Variants in CACNA2D1 observed in about 807,000 individuals in gnomAD.
The protein encoded by CACNA2D1 is calcium voltage-gated channel auxiliary subunit alpha2delta 1, also known as voltage-dependent calcium channel subunit alpha-2/delta-1.
Under a neutral mutation model 171.5 loss-of-function variants are expected in CACNA2D1, and 53 were observed. The ratio of observed to expected loss-of-function variants is 0.31; its 90% CI spans 0.25 to 0.39. The LOEUF (loss-of-function observed/expected upper bound fraction) is 0.39, where lower values mean the gene tolerates loss of function less well. Ranked by LOEUF, CACNA2D1 falls within the 10% of genes least tolerant of loss-of-function variation. The pLI is 1.00. For synonymous variants in CACNA2D1, 442 were observed against 443.1 expected (o/e 1.00, Z 0.03); for missense variants, 903 against 1,299.8 (o/e 0.69, Z 4.69).
At chr7:82,422,621 C>A (rs941443478) in intron 1 of CACNA2D1, among the ~76,000 whole-genome samples, 2 of 152,078 alleles carry the variant, frequency 1.3e-5, no homozygotes, top group African/African-American at 4.8e-5. Flanking sequence ...TTCTAGGAAA[C>A]TAGTTTATCT....
chr7:82,181,332 C>T (rs1029101308), intron 3 of CACNA2D1, among the ~76,000 whole-genome samples: 1 of 152,148 alleles, frequency 6.6e-6, no homozygotes, highest in Non-Finnish European at 1.5e-5. Flanking sequence ...CTAGTGTCAT[C>T]TTTATTTTGT....
intron 3 of CACNA2D1, among the ~76,000 whole-genome samples, chr7:82,306,763 G>T (rs1813786977): frequency 6.6e-6 from 1 of 151,836 alleles, no homozygotes; most frequent in Non-Finnish European, 1.5e-5. Context: ...CCAAGTAAAA[G>T]GCTTATTAGC....
In CACNA2D1 at chr7:82,443,708, C is replaced by G; in HGVS notation, c.-249G>C. 1 of 1,236,234 alleles carries G rather than the reference C, an allele frequency of 8.1e-7. No individual in the cohort carries two copies. Among genetic ancestry groups the G allele is most frequent in the Non-Finnish European group, 1.0e-6 (1 of 992,188 alleles). The allele number at this position is 1,236,234 out of a possible 1,614,324, so 76.6% of individuals were successfully genotyped here. A position where few individuals can be genotyped will look rare whatever the true frequency, so the allele number is the denominator to read the frequency against. On this transcript the variant is annotated 5_prime_UTR_variant, in exon 1 of 39. Transcript: ENST00000356860. Reference sequence around the variant, plus strand: ...CTGCTCCGCGCCGCGGCCGCCTTGCCTCCGCCGCCATCAAGGGCGACTTTG... The same window carrying G: ...CTGCTCCGCGCCGCGGCCGCCTTGCGTCCGCCGCCATCAAGGGCGACTTTG...
intron 4 of CACNA2D1, among the ~76,000 whole-genome samples, chr7:82,164,438 C>G (rs1210977175): frequency 1.4e-5 from 2 of 138,294 alleles, no homozygotes; most frequent in Non-Finnish European, 3.3e-5. Context: ...GACAAAAAAT[C>G]TAACATTGGT....
intron 2 of CACNA2D1, among the ~76,000 whole-genome samples, chr7:82,347,837 A>G (rs978708796): frequency 1.4e-5 from 2 of 146,500 alleles, no homozygotes; most frequent in Admixed American, 6.6e-5. Flanking sequence ...TGTTATGTTA[A>G]TTCAGTCATT....
chr7:82,403,199 A>G (rs1826634956), intron 1 of CACNA2D1, among the ~76,000 whole-genome samples: 1 of 152,204 alleles, frequency 6.6e-6, no homozygotes, highest in African/African-American at 2.4e-5. Flanking sequence ...GAACTTCTTA[A>G]ATACATCTTG....
chr7:82,165,705 C>T (rs1199690375), intron 4 of CACNA2D1, among the ~76,000 whole-genome samples: 2 of 151,824 alleles, frequency 1.3e-5, no homozygotes, highest in Non-Finnish European at 2.9e-5. Flanking sequence ...TTTAATCTAT[C>T]TTTATGATGA....
intron 5 of CACNA2D1, among the ~76,000 whole-genome samples, chr7:82,131,928 T>C (rs2129070988): frequency 6.6e-6 from 1 of 152,244 alleles, no homozygotes; most frequent in African/African-American, 2.4e-5. Context: ...ACTGCAAAAC[T>C]TTTGGTGAGG....
chr7:82,366,288 T>C (rs1357195484), intron 1 of CACNA2D1, among the ~76,000 whole-genome samples: 2 of 152,182 alleles, frequency 1.3e-5, no homozygotes, highest in Non-Finnish European at 2.9e-5. Flanking sequence ...TATTGTGTAA[T>C]GCTGAATTCA....
chr7:81,968,287 T>G (rs763418104), intron 29 of CACNA2D1, among the ~76,000 whole-genome samples: 5 of 151,396 alleles, frequency 3.3e-5, no homozygotes, highest in Non-Finnish European at 7.4e-5. Flanking sequence ...CTAATAGCTT[T>G]TACTTTATTG....
At chr7:82,332,569 C>CGAAAGAAAGAAAGAAAGAAAGAGAAA in intron 3 of CACNA2D1, among the ~76,000 whole-genome samples, 1 of 119,942 alleles carries the variant, frequency 8.3e-6, no homozygotes, top group South Asian at 2.6e-4. Context: ...AAAGAAAGAA[C>CGAAAGAAAGAAAGAAAGAAAGAGAAA]GAACAGAAAA....
chr7:82,291,401 C>A (rs966844762), intron 3 of CACNA2D1, among the ~76,000 whole-genome samples: 1 of 130,232 alleles, frequency 7.7e-6, no homozygotes, highest in Non-Finnish European at 1.6e-5. Context: ...TACATCTACA[C>A]TAGATATATA....
At chr7:82,142,218 CAGTTT>C (rs749730223) in intron 4 of CACNA2D1, among the ~76,000 whole-genome samples, 1 of 152,134 alleles carries the variant, frequency 6.6e-6, no homozygotes, top group Non-Finnish European at 1.5e-5. Context: ...TTTAACCATG[CAGTTT>C]AGTTATTTAT....
Position 82,143,653 on chromosome 7 carries a change from G to A in CACNA2D1, c.355-6977C>T, listed in dbSNP as rs78475574. On this transcript the variant is annotated intron_variant, in intron 4 of 38. Transcript: ENST00000356860. ...TAATTGGAGTGGAAGGGGCTTATAC[G>A]CATCCTGTCCACCAAATGTGTTGCT... 1.0e-3 allele frequency among the ~76,000 whole-genome samples: 155 copies of A among 152,114 alleles called. 1 individual carries two copies. Among genetic ancestry groups the A allele is most frequent in the Non-Finnish European group, 1.8e-3 (120 of 67,968 alleles).
At chr7:82,170,294 G>C (rs903585625) in intron 4 of CACNA2D1, among the ~76,000 whole-genome samples, 6 of 151,314 alleles carry the variant, frequency 4.0e-5, no homozygotes, top group African/African-American at 1.2e-4. Flanking sequence ...TTAATTATGG[G>C]AGAACATTTC....
intron 6 of CACNA2D1, among the ~76,000 whole-genome samples, chr7:82,096,599 T>C (rs938517187): frequency 6.8e-6 from 1 of 147,106 alleles, no homozygotes; most frequent in Non-Finnish European, 1.5e-5. Flanking sequence ...CACAATGATA[T>C]TGACAAATAG....
intron 3 of CACNA2D1, among the ~76,000 whole-genome samples, chr7:82,226,658 T>A (rs935398892): frequency 1.3e-5 from 2 of 152,088 alleles, no homozygotes; most frequent in South Asian, 4.1e-4. Context: ...AACTGATCCA[T>A]AGATGAAAAA....
chr7:81,964,854 G>T (rs550282456), intron 32 of CACNA2D1, among the ~76,000 whole-genome samples: 1 of 151,854 alleles, frequency 6.6e-6, no homozygotes, highest in Non-Finnish European at 1.5e-5. Flanking sequence ...TATGTTAATT[G>T]GCTTGACGCA....
intron 3 of CACNA2D1, among the ~76,000 whole-genome samples, chr7:82,192,113 C>T (rs906094665): frequency 2.0e-5 from 3 of 151,398 alleles, no homozygotes; most frequent in Admixed American, 6.6e-5. Context: ...CATGAAAATA[C>T]AGTTCCTGCC....
Sources: gnomAD v4.1 joint callset for allele counts (sites outside exome capture counted in the v4.1 genomes callset) on GRCh38, gnomAD v4.1.1 for gene constraint, MANE v1.5 for transcripts, NCBI Gene and HGNC (gene_info 2026-07-23, HGNC 2026-07-21) for gene names.